TENT4B: variants seen among roughly 807,000 people sequenced by gnomAD.
TENT4B encodes the protein PAP associated domain containing 5.
TENT4B carries 10 observed loss-of-function variants against 75.0 expected under a neutral mutation model. The observed-to-expected ratio is 0.13, with a 90% confidence interval of 0.08 to 0.23. The LOEUF is 0.23. TENT4B is among the 10% of genes least tolerant of loss of function. The pLI is 1.00. For synonymous variants in TENT4B, 350 were observed against 357.7 expected (o/e 0.98, Z 0.24); for missense variants, 579 against 893.8 (o/e 0.65, Z 4.49).
At position 50,224,664 on chromosome 16, in the gene TENT4B, T is replaced by C. The variant is rs140780625; in HGVS notation, c.1389T>C (p.Asp463=). Residue 463 remains aspartate, a synonymous_variant, in exon 8 of 12, where the codon GAT becomes GAC. Transcript: ENST00000561678. ...CGTATATTTCTTTTAAAGGTAACGA[T>C]GTTGGAAGGAGTTCATATGGGGCCA... ...YIEDPLQPGN[D]VGRSSYGAMQ... is the part of the protein sequence containing the mutation. 46 of 1,613,988 alleles carry C rather than the reference T, an allele frequency of 2.9e-5. No individual in the cohort carries two copies. The Middle Eastern group carries it at 6.6e-4, about 23-fold the overall frequency.
rs764687524 is a variant in TENT4B, at chr16:50,229,329, T to A, written c.*1T>A. On this transcript the variant is annotated 3_prime_UTR_variant, in exon 12 of 12. Transcript: ENST00000561678. ...GCCCCTCTCAGACCTCTGTAGATAGTCAGCGCTGCGCGGTGGACTGTCTTC... is the reference window on the plus strand; with the variant it reads ...GCCCCTCTCAGACCTCTGTAGATAGACAGCGCTGCGCGGTGGACTGTCTTC... 1 of 1,610,776 alleles carries A rather than the reference T, an allele frequency of 6.2e-7. No individual in the cohort carries two copies. Among genetic ancestry groups the A allele is most frequent in the Non-Finnish European group, 8.5e-7 (1 of 1,178,490 alleles).
rs1348344556 is a variant in TENT4B at position 50,216,180 on chromosome 16, T to A, written c.915T>A (p.Val305=). The change falls in exon 4 of 12, where the codon GTT becomes GTA. Residue 305 remains valine, a synonymous_variant. Coordinates refer to ENST00000561678, the MANE Select transcript of TENT4B (RefSeq NM_001365324.3). ...HKVADEDSVK[V]LDKATVPIIK... ...TCGCAGATGAGGATTCGGTGAAAGT[T>A]TTAGACAAAGCAACTGTAAGTTCTG... 3.1e-6 allele frequency: 5 copies of A among 1,613,834 alleles called. No individual in the cohort carries two copies. The African/African-American group carries it at 5.3e-5, about 17-fold the overall frequency.
At chr16:50,177,342 A>AAG (rs2038330549) in intron 1 of TENT4B, among the ~76,000 whole-genome samples, 1 of 152,162 alleles carries the variant, frequency 6.6e-6, no homozygotes, top group Non-Finnish European at 1.5e-5. Context: ...AGAATTCACC[A>AAG]GTGAACCCAT....
intron 1 of TENT4B, among the ~76,000 whole-genome samples, chr16:50,199,170 G>A (rs1024089222): frequency 1.3e-5 from 2 of 152,210 alleles, no homozygotes; most frequent in African/African-American, 4.8e-5. Context: ...CTTCCTTAGA[G>A]TCAGTGTGTA....
intron 1 of TENT4B, among the ~76,000 whole-genome samples, chr16:50,162,296 A>G (rs1382305233): frequency 2.0e-5 from 3 of 152,244 alleles, no homozygotes; most frequent in Non-Finnish European, 4.4e-5. Flanking sequence ...TTTTATGTGA[A>G]TATAAAGTTT....
chr16:50,230,051 T>G lies in TENT4B; in HGVS notation c.*723T>G. 6.1e-6 allele frequency: 6 copies of G among 985,218 alleles called. No individual in the cohort carries two copies. Among genetic ancestry groups the G allele is most frequent in the Non-Finnish European group, 7.2e-6 (6 of 829,780 alleles). The allele number at this position is 985,218 out of a possible 1,614,324, so 61.0% of individuals were successfully genotyped here. A position where few individuals can be genotyped will look rare whatever the true frequency, so the allele number is the denominator to read the frequency against. On this transcript the variant is annotated 3_prime_UTR_variant, in exon 12 of 12. Coordinates refer to ENST00000561678, the MANE Select transcript of TENT4B (RefSeq NM_001365324.3). ...GAAATGACTTAATAGAACCCTTGTG[T>G]CCTGCTGCAAAAATTTTTCCTCTCT... is the stretch of plus-strand genomic sequence containing the variant.
At chr16:50,200,094 G>A (rs2030538376) in intron 1 of TENT4B, among the ~76,000 whole-genome samples, 1 of 152,160 alleles carries the variant, frequency 6.6e-6, no homozygotes, top group Non-Finnish European at 1.5e-5. Flanking sequence ...AGCTGGGTGT[G>A]GTGGCTCATG....
chr16:50,208,551 T>C (rs2031109109), intron 1 of TENT4B, among the ~76,000 whole-genome samples: 1 of 152,176 alleles, frequency 6.6e-6, no homozygotes, highest in African/African-American at 2.4e-5. Flanking sequence ...GAATCATTCA[T>C]CTGGAAGCTG....
Position 50,232,426 on chromosome 16 carries a change from T to A in TENT4B, c.*3098T>A. The A allele has an allele frequency of 1.0e-6, 1 of 985,396 alleles. No homozygotes were observed. Among genetic ancestry groups the A allele is most frequent in the Non-Finnish European group, 1.2e-6 (1 of 829,940 alleles). 61.0% of individuals were successfully genotyped at this position (985,396 alleles called of 1,614,324 possible). ...AGGTTATTTGATTTGGCTCCAGATA[T>A]TCCTAGATCTGCACAGGGCAAAACA... On this transcript the variant is annotated 3_prime_UTR_variant, in exon 12 of 12. Coordinates refer to ENST00000561678, the MANE Select transcript of TENT4B (RefSeq NM_001365324.3).
intron 1 of TENT4B, among the ~76,000 whole-genome samples, chr16:50,201,510 C>G (rs1391999161): frequency 6.6e-6 from 1 of 150,658 alleles, no homozygotes; most frequent in East Asian, 2.0e-4. Flanking sequence ...GCACTCCAAC[C>G]TTGGCGATAG....
intron 1 of TENT4B, among the ~76,000 whole-genome samples, chr16:50,161,887 T>C (rs1433581965): frequency 6.6e-6 from 1 of 151,942 alleles, no homozygotes; most frequent in African/African-American, 2.4e-5. Context: ...TGTGTAGATC[T>C]GGATAGCCAC....
rs2032353658 is a variant in TENT4B at position 50,233,408 on chromosome 16, T to TTA, written c.*4080_*4081insTA. On this transcript the variant is annotated 3_prime_UTR_variant, in exon 12 of 12. Transcript: ENST00000561678. ...AGAAGCCAGATTTTACTGTAGAAGTTATTTACATGATTTGAAAACTTGACC... is the reference window on the plus strand; with the variant it reads ...AGAAGCCAGATTTTACTGTAGAAGTTTAATTTACATGATTTGAAAACTTGACC... The TTA allele has an allele frequency of 1.0e-6, 1 of 985,330 alleles. No homozygotes were observed. Among genetic ancestry groups the TTA allele is most frequent in the Non-Finnish European group, 1.2e-6 (1 of 829,948 alleles). 61.0% of individuals were successfully genotyped at this position (985,330 alleles called of 1,614,324 possible). A position where few individuals can be genotyped will look rare whatever the true frequency, so the allele number is the denominator to read the frequency against.
At position 50,232,472 on chromosome 16, in the gene TENT4B, T is replaced by G; in HGVS notation, c.*3144T>G. The G allele has an allele frequency of 1.0e-6, 1 of 985,404 alleles. No homozygotes were observed. Among genetic ancestry groups the G allele is most frequent in the Non-Finnish European group, 1.2e-6 (1 of 829,922 alleles). 61.0% of individuals were successfully genotyped at this position (985,404 alleles called of 1,614,324 possible). On this transcript the variant is annotated 3_prime_UTR_variant, in exon 12 of 12. Coordinates refer to ENST00000561678, the MANE Select transcript of TENT4B (RefSeq NM_001365324.3). ...AAACATGGGCTATAGGGTGAGCATT[T>G]TTAATTGTCTTTTTCTGCTGGAACC...
intron 1 of TENT4B, among the ~76,000 whole-genome samples, chr16:50,163,289 C>T (rs894284737): frequency 4.6e-5 from 7 of 151,916 alleles, no homozygotes; most frequent in African/African-American, 1.7e-4. Flanking sequence ...TTTTAGTGTC[C>T]TTGTTCTTTG....
intron 1 of TENT4B, 111 bp downstream of exon 1, chr16:50,154,370 C>A: frequency 7.5e-7 from 1 of 1,334,230 alleles, no homozygotes; most frequent in Non-Finnish European, 9.6e-7. Context: ...CCACGGCCTG[C>A]CTTCGCTGCT....
chr16:50,187,700 C>T (rs1169900385), intron 1 of TENT4B, among the ~76,000 whole-genome samples: 1 of 152,014 alleles, frequency 6.6e-6, no homozygotes, highest in Non-Finnish European at 1.5e-5. Flanking sequence ...GGTACCCTAG[C>T]TGAAGTTATT....
intron 1 of TENT4B, among the ~76,000 whole-genome samples, chr16:50,171,539 A>G (rs1597230966): frequency 6.6e-6 from 1 of 152,024 alleles, no homozygotes; most frequent in African/African-American, 2.4e-5. Context: ...ATAGTCATGG[A>G]TTTTTCTATT....
intron 11 of TENT4B, among the ~76,000 whole-genome samples, chr16:50,228,325 G>A (rs2032148491): frequency 6.6e-6 from 1 of 152,188 alleles, no homozygotes; most frequent in Non-Finnish European, 1.5e-5. Flanking sequence ...AGGCCTCATG[G>A]CAGTGTGCAT....
intron 1 of TENT4B, among the ~76,000 whole-genome samples, chr16:50,190,497 A>G (rs778385577): frequency 6.6e-6 from 1 of 151,956 alleles, no homozygotes; most frequent in African/African-American, 2.4e-5. Flanking sequence ...TTATGTCTGT[A>G]TAGATTTGCC....
Sources: gnomAD v4.1 joint callset for allele counts (sites outside exome capture counted in the v4.1 genomes callset) on GRCh38, gnomAD v4.1.1 for gene constraint, MANE v1.5 for transcripts, NCBI Gene and HGNC (gene_info 2026-07-23, HGNC 2026-07-21) for gene names.